Variants in TTC39B observed in about 807,000 individuals in gnomAD.
The protein encoded by TTC39B is tetratricopeptide repeat domain 39B, also known as tetratricopeptide repeat protein 39B.
TTC39B carries 92 observed loss-of-function variants against 96.6 expected under a neutral mutation model. That is an observed-to-expected ratio of 0.95 (90% CI 0.80 to 1.13). TTC39B has a LOEUF of 1.13. TTC39B is among the 50% of genes most tolerant of loss of function. The pLI, the probability that TTC39B is intolerant of heterozygous loss-of-function variation, is 0.00. For missense variants in TTC39B, 955 were observed against 809.3 expected, an observed-to-expected ratio of 1.18 and a Z score of -2.18; for synonymous variants, 367 against 299.4, an observed-to-expected ratio of 1.23 and a Z score of -2.33.
chr9:15,296,590 G>C (rs1563796652), intron 1 of TTC39B, among the ~76,000 whole-genome samples: 1 of 152,174 alleles, frequency 6.6e-6, no homozygotes, highest in Admixed American at 6.5e-5. Context: ...CGCCTCCCAG[G>C]TTCAAGCAAT....
chr9:15,274,326 G>A (rs965071094), intron 1 of TTC39B, among the ~76,000 whole-genome samples: 9 of 152,258 alleles, frequency 5.9e-5, no homozygotes, highest in African/African-American at 1.9e-4. Flanking sequence ...AGTAGTCCAT[G>A]GCCTTCTACA....
intron 2 of TTC39B, among the ~76,000 whole-genome samples, chr9:15,228,788 T>C (rs1821269954): frequency 6.6e-6 from 1 of 152,206 alleles, no homozygotes; most frequent in Non-Finnish European, 1.5e-5. Context: ...CCTAAATTAA[T>C]CTGTTAATAA....
intron 2 of TTC39B, among the ~76,000 whole-genome samples, chr9:15,231,222 A>G (rs1339952313): frequency 6.6e-6 from 1 of 152,004 alleles, no homozygotes; most frequent in Non-Finnish European, 1.5e-5. Flanking sequence ...CATCTTGCCC[A>G]GGCTGGTCTT....
At chr9:15,185,587 G>C (rs1818480345) in intron 15 of TTC39B, 181 bp from the exon 16 acceptor site, 2 of 829,422 alleles carry the variant, frequency 2.4e-6, no homozygotes, top group Non-Finnish European at 3.6e-6. Context: ...GCAACTCCAG[G>C]GCCGGGGCCG....
chr9:15,268,397 C>T (rs1586983072), intron 1 of TTC39B, among the ~76,000 whole-genome samples: 1 of 152,148 alleles, frequency 6.6e-6, no homozygotes, highest in Non-Finnish European at 1.5e-5. Context: ...TGCCACCAGC[C>T]TTTCCCCCAG....
chr9:15,223,242 G>C (rs144097582), intron 3 of TTC39B, among the ~76,000 whole-genome samples: 318 of 152,310 alleles, frequency 2.1e-3, no homozygotes, highest in Middle Eastern at 0.01. Context: ...AGGGAGAATC[G>C]CAAGAAACCA....
chr9:15,191,906 A>G (rs140307017), intron 9 of TTC39B, among the ~76,000 whole-genome samples: 35 of 152,328 alleles, frequency 2.3e-4, no homozygotes, highest in African/African-American at 8.2e-4. Context: ...ATCTTTCTGA[A>G]TGGGCAGAAA....
Position 15,203,807 on chromosome 9 carries a change from G to A in TTC39B, c.759+16C>T. ...TCTTCCCAGCCAATACGAATTCCAA[G>A]CCAAATATTCATTACCTGCACAAAC... On this transcript the variant is annotated intron_variant, in intron 7 of 19. Transcript: ENST00000512701. 2 of 1,605,832 alleles carry A rather than the reference G, an allele frequency of 1.2e-6. No individual in the cohort carries two copies. The highest frequency in any genetic ancestry group is 1.1e-5 in the South Asian group (1 of 89,494).
chr9:15,211,900 A>C (rs1820222943), intron 4 of TTC39B, among the ~76,000 whole-genome samples: 1 of 152,244 alleles, frequency 6.6e-6, no homozygotes, highest in Non-Finnish European at 1.5e-5. Context: ...TGACCAAAGT[A>C]GTTGTCAGAC....
chr9:15,263,305 T>C (rs1823010125), intron 2 of TTC39B, among the ~76,000 whole-genome samples: 1 of 152,216 alleles, frequency 6.6e-6, no homozygotes, highest in African/African-American at 2.4e-5. Flanking sequence ...ACTCCCATTA[T>C]CACATTTAAC....
chr9:15,251,887 T>C (rs1336325402), intron 2 of TTC39B, among the ~76,000 whole-genome samples: 1 of 151,852 alleles, frequency 6.6e-6, no homozygotes, highest in African/African-American at 2.4e-5. Flanking sequence ...AAAGAGCATA[T>C]GCAATGACAG....
At chr9:15,234,906 G>T (rs1000643848) in intron 2 of TTC39B, among the ~76,000 whole-genome samples, 6 of 151,948 alleles carry the variant, frequency 3.9e-5, no homozygotes, top group African/African-American at 1.4e-4. Context: ...AGGCCGCAGG[G>T]TCCTCTGCCT....
At chr9:15,278,266 G>T (rs997025746) in intron 1 of TTC39B, among the ~76,000 whole-genome samples, 1 of 152,138 alleles carries the variant, frequency 6.6e-6, no homozygotes, top group East Asian at 1.9e-4. Flanking sequence ...CATTATCATA[G>T]AATACTCACA....
intron 16 of TTC39B, among the ~76,000 whole-genome samples, chr9:15,183,639 T>C (rs555218252): frequency 6.6e-6 from 1 of 152,212 alleles, no homozygotes; most frequent in African/African-American, 2.4e-5. Context: ...CAAAGAAAGA[T>C]GATAGTCTAG....
intron 2 of TTC39B, among the ~76,000 whole-genome samples, chr9:15,239,762 G>T (rs190718158): frequency 6.6e-6 from 1 of 152,186 alleles, no homozygotes; most frequent in South Asian, 2.1e-4. Flanking sequence ...CCAAAAGAGG[G>T]GAGGGAGGAT....
chr9:15,296,204 A>G (rs1324854652), intron 1 of TTC39B, among the ~76,000 whole-genome samples: 1 of 152,240 alleles, frequency 6.6e-6, no homozygotes, highest in Non-Finnish European at 1.5e-5. Context: ...CCGTGGCTCA[A>G]GTTGGTTTTC....
chr9:15,280,046 C>T (rs1407897279), intron 1 of TTC39B, among the ~76,000 whole-genome samples: 1 of 152,020 alleles, frequency 6.6e-6, no homozygotes, highest in Non-Finnish European at 1.5e-5. Flanking sequence ...CAAGTACATG[C>T]CACCAAACCC....
At position 15,254,982 on chromosome 9, in the gene TTC39B, G is replaced by C. The variant is rs60733733; in HGVS notation, c.275+12932C>G. The stretch of plus-strand genomic sequence containing the variant: ...TTATAGCTGTATTGCCTACAGGGGA[G>C]ACCAAATACTATGCCCACACCTTTG... On this transcript the variant is annotated intron_variant, in intron 2 of 19. Coordinates refer to ENST00000512701, the Ensembl canonical transcript of TTC39B. 7.5e-3 allele frequency among the ~76,000 whole-genome samples: 1,140 copies of C among 151,814 alleles called. 21 individuals are homozygous for C. Among genetic ancestry groups the C allele is most frequent in the African/African-American group, 0.026 (1,072 of 41,412 alleles).
intron 15 of TTC39B, among the ~76,000 whole-genome samples, chr9:15,186,277 T>C (rs1208465297): frequency 6.6e-6 from 1 of 152,208 alleles, no homozygotes; most frequent in African/African-American, 2.4e-5. Flanking sequence ...TTTTGTTCAT[T>C]ACCGTCAGTG....
Sources: gnomAD v4.1 joint callset for allele counts (sites outside exome capture counted in the v4.1 genomes callset) on GRCh38, gnomAD v4.1.1 for gene constraint, MANE v1.5 for transcripts, NCBI Gene and HGNC (gene_info 2026-07-23, HGNC 2026-07-21) for gene names.